NUP98: variants seen among roughly 807,000 people sequenced by gnomAD.
NUP98 encodes the protein nuclear pore complex protein Nup98-Nup96.
In NUP98, 26 loss-of-function variants were observed where a neutral mutation model predicts 191.9. The ratio of observed to expected loss-of-function variants is 0.14; its 90% confidence interval spans 0.10 to 0.19. The LOEUF (loss-of-function observed/expected upper bound fraction) is 0.19. Ranked by LOEUF, NUP98 falls within the 10% of genes least tolerant of loss-of-function variation. The pLI is 1.00. For synonymous variants in NUP98, 808 were observed against 778.4 expected (o/e 1.04, Z -0.63); for missense variants, 1,941 against 2,178.8 (o/e 0.89, Z 2.17).
chr11:3,716,842 T>C (rs911495202), intron 18 of NUP98, among the ~76,000 whole-genome samples: 1 of 152,210 alleles, frequency 6.6e-6, no homozygotes, highest in Non-Finnish European at 1.5e-5. Flanking sequence ...AATTTGGACA[T>C]GTGAGACCTC....
chr11:3,694,491 A>G (rs2078436872), intron 26 of NUP98, among the ~76,000 whole-genome samples: 2 of 151,878 alleles, frequency 1.3e-5, no homozygotes, highest in African/African-American at 4.8e-5. Context: ...TTGTAATCCC[A>G]GCACTTCAGG....
intron 1 of NUP98, among the ~76,000 whole-genome samples, chr11:3,795,044 C>A (rs1439809039): frequency 6.6e-6 from 1 of 152,208 alleles, no homozygotes. Flanking sequence ...ACTACCACCA[C>A]ATAAATCATA....
intron 29 of NUP98, among the ~76,000 whole-genome samples, chr11:3,683,730 G>A (rs1350414302): frequency 6.6e-6 from 1 of 151,714 alleles, no homozygotes; most frequent in African/African-American, 2.4e-5. Context: ...TAGAGGCAGG[G>A]TTTCTCCATG....
chr11:3,695,392 C>A, intron 26 of NUP98, 57 bp downstream of exon 26: 2 of 1,408,822 alleles, frequency 1.4e-6, no homozygotes, highest in Middle Eastern at 1.9e-4. Flanking sequence ...CAACCTCAAA[C>A]CAGCTTCAAT....
At chr11:3,699,439 ATAAAT>A in intron 24 of NUP98, 91 bp from the exon 25 acceptor site, 2 of 1,389,096 alleles carry the variant, frequency 1.4e-6, no homozygotes, top group South Asian at 1.2e-5. Context: ...TTAAAAATAC[ATAAAT>A]TAATAGACAT....
At chr11:3,712,254 T>A in intron 20 of NUP98, 1 of 1,137,720 alleles carries the variant, frequency 8.8e-7, no homozygotes, top group East Asian at 4.3e-5. Context: ...TGAACCCACA[T>A]GAGCAAATCT....
chr11:3,778,802 G>T, intron 4 of NUP98, 71 bp downstream of exon 4: 1 of 1,469,114 alleles, frequency 6.8e-7, no homozygotes, highest in Non-Finnish European at 9.3e-7. Flanking sequence ...ACAGAAAAAC[G>T]GAGAAAAGAC....
At chr11:3,758,588 C>A (rs1371505071) in intron 10 of NUP98, among the ~76,000 whole-genome samples, 1 of 152,092 alleles carries the variant, frequency 6.6e-6, no homozygotes, top group Non-Finnish European at 1.5e-5. Context: ...AGTTCAAAAC[C>A]AGCCTCGCCA....
chr11:3,740,043 T>C (rs1367884899), intron 12 of NUP98, among the ~76,000 whole-genome samples: 1 of 152,198 alleles, frequency 6.6e-6, no homozygotes, highest in African/African-American at 2.4e-5. Context: ...AATCAAAGAT[T>C]ATTTGCAAAT....
chr11:3,746,269 C>CAAAAA (rs66773761), intron 11 of NUP98, among the ~76,000 whole-genome samples: 71 of 33,798 alleles, frequency 2.1e-3, no homozygotes, highest in Non-Finnish European at 2.6e-3. Flanking sequence ...AACTTTATCT[C>CAAAAA]AAAAAAAAAA....
At chr11:3,747,765 TATTGCCTCCCA>T (rs916976647) in intron 11 of NUP98, among the ~76,000 whole-genome samples, 3 of 152,328 alleles carry the variant, frequency 2.0e-5, no homozygotes, top group African/African-American at 4.8e-5. Flanking sequence ...CCCACTTAGC[TATTGCCTCCCA>T]AAAATACAGC....
chr11:3,704,142 T>C (rs1185676447), intron 22 of NUP98, among the ~76,000 whole-genome samples: 1 of 152,258 alleles, frequency 6.6e-6, no homozygotes, highest in Non-Finnish European at 1.5e-5. Flanking sequence ...TTTTGGTTAA[T>C]ATATTTTCTT....
chr11:3,772,409 C>T (rs192290892), intron 6 of NUP98, among the ~76,000 whole-genome samples: 1 of 152,266 alleles, frequency 6.6e-6, no homozygotes, highest in East Asian at 1.9e-4. Flanking sequence ...TCACTATAAT[C>T]ATGAATGACT....
In NUP98 at chr11:3,705,278, T is replaced by C. The variant is rs1264380876; in HGVS notation, c.3004A>G (p.Lys1002Glu). ...CAGATTTCTTGAGAAGTATCTGCTT[T>C]GGAAGGCAGGCGACTGAAGCGTTGA... ...LDQRFSRLPS[K>E]ADTSQEICSP... The change falls in exon 22 of 33, where the codon AAA (lysine) becomes GAA (glutamate). Residue 1002 changes from lysine to glutamate, a missense_variant. Around this residue, in one of 6 missense-constraint regions of NUP98, gnomAD observed 1,030 missense variants for 1,115.8 expected, o/e 0.92. Transcript: ENST00000324932. The C allele has an allele frequency of 2.5e-6, 4 of 1,614,204 alleles. No homozygotes were observed. The highest frequency in any genetic ancestry group is 3.4e-6 in the Non-Finnish European group (4 of 1,180,030).
chr11:3,682,794 A>T (rs1035877889), intron 30 of NUP98, among the ~76,000 whole-genome samples: 13 of 152,346 alleles, frequency 8.5e-5, no homozygotes, highest in South Asian at 8.3e-4. Context: ...CCAAACCTTT[A>T]ATTTGTAAAA....
chr11:3,680,347 G>C (rs1312920812), intron 30 of NUP98, among the ~76,000 whole-genome samples: 1 of 152,102 alleles, frequency 6.6e-6, no homozygotes, highest in Non-Finnish European at 1.5e-5. Context: ...AACTCCTCAT[G>C]AGTGACACCA....
At chr11:3,754,616 T>C (rs2080891989) in intron 10 of NUP98, among the ~76,000 whole-genome samples, 1 of 151,868 alleles carries the variant, frequency 6.6e-6, no homozygotes, top group African/African-American at 2.4e-5. Context: ...TGACCCACCA[T>C]TTAAACAAAA....
chr11:3,750,346 T>C (rs2080700217), intron 11 of NUP98, among the ~76,000 whole-genome samples: 2 of 152,076 alleles, frequency 1.3e-5, no homozygotes, highest in African/African-American at 4.8e-5. Context: ...TCCGCCCACC[T>C]CAGCCTCCCA....
chr11:3,765,874 T>C (rs1325885065), intron 8 of NUP98, among the ~76,000 whole-genome samples: 1 of 152,114 alleles, frequency 6.6e-6, no homozygotes, highest in Non-Finnish European at 1.5e-5. Context: ...TCCAACCTCA[T>C]TATTTTGCAT....
Sources: gnomAD v4.1 joint callset for allele counts (sites outside exome capture counted in the v4.1 genomes callset) on GRCh38, gnomAD v4.1.1 for gene constraint, gnomAD v4.1.1 regional missense constraint, MANE v1.5 for transcripts, NCBI Gene and HGNC (gene_info 2026-07-23, HGNC 2026-07-21) for gene names.